PROM1: variants seen among roughly 807,000 people sequenced by gnomAD.
PROM1 encodes prominin-1.
PROM1 carries 105 observed loss-of-function variants against 116.9 expected under a neutral mutation model. The observed-to-expected ratio is 0.90, with a 90% CI of 0.77 to 1.06. PROM1 has a LOEUF of 1.06. Ranked by LOEUF, PROM1 falls within the 50% of genes least tolerant of loss-of-function variation. The pLI is 0.00. For missense variants in PROM1, 1,122 were observed against 1,045.2 expected (o/e 1.07, Z -1.01); for synonymous variants, 393 against 387.0 (o/e 1.02, Z -0.18).
intron 2 of PROM1, among the ~76,000 whole-genome samples, chr4:16,072,946 T>C (rs986549819): frequency 6.6e-6 from 1 of 152,174 alleles, no homozygotes; most frequent in African/African-American, 2.4e-5. Flanking sequence ...CTATTCCCTA[T>C]GATTTCATCT....
Position 15,998,463 on chromosome 4 carries a change from T to C in PROM1, c.1604A>G (p.Asn535Ser), listed in dbSNP as rs1427426189. The C allele has an allele frequency of 1.1e-5, 17 of 1,608,534 alleles. No individual in the cohort carries two copies. Among genetic ancestry groups the C allele is most frequent in the Non-Finnish European group, 1.3e-5 (15 of 1,178,496 alleles). Residue 535 changes from asparagine (N) to serine (S), a missense_variant, in exon 15 of 28, where the codon AAT (asparagine) becomes AGT (serine). Transcript: ENST00000447510. ...AGAGAGATAGTATTCCCAGTCTTCA[T>C]TTAGTAAGTAGGGTGTATCCAAAAC... ...FRVLDTPYLLNEDWEYYLSGK... is the reference protein window; with the variant it reads ...FRVLDTPYLLSEDWEYYLSGK...
In PROM1 at chr4:16,045,837, G is replaced by T. The variant is rs893382761; in HGVS notation, c.221-6836C>A. Among the ~76,000 whole-genome samples, 5 of 152,084 alleles carry T rather than the reference G, an allele frequency of 3.3e-5. No individual in the cohort carries two copies. The East Asian group carries it at 5.8e-4, about 18-fold the overall frequency. ...TCATGACCAAATACAGTGGAGCATT[G>T]CTCAGATGAATCACTCTTCCCGCCT... On this transcript the variant is annotated intron_variant, in intron 2 of 27. Coordinates refer to ENST00000447510, the MANE Select transcript of PROM1 (RefSeq NM_006017.3).
In PROM1 at chr4:16,000,517, G is replaced by T. The variant is rs137853907; in HGVS notation, c.1557C>A (p.Tyr519Ter). The T allele has an allele frequency of 7.0e-5, 111 of 1,593,858 alleles. No individual in the cohort carries two copies. Among genetic ancestry groups the T allele is most frequent in the Non-Finnish European group, 9.2e-5 (107 of 1,162,620 alleles). ...TTACCCGGAATAATTCCTTGCTCGTGTAAGGTTCACAGATCAGTTTTTCCA... is the reference window on the plus strand; with the variant it reads ...TTACCCGGAATAATTCCTTGCTCGTTTAAGGTTCACAGATCAGTTTTTCCA... ...ANVEKLICEP[Y>*]TSKELFRVLD... The change falls in exon 14 of 28, where the codon TAC (tyrosine) becomes TAA (stop). Residue 519 changes from tyrosine to a stop codon, truncating the protein, a stop_gained. Transcript: ENST00000447510. LOFTEE classifies it high-confidence loss of function.
intron 8 of PROM1, among the ~76,000 whole-genome samples, chr4:16,022,598 G>T (rs1240751407): frequency 6.6e-6 from 1 of 151,938 alleles, no homozygotes; most frequent in African/African-American, 2.4e-5. Flanking sequence ...TCTCAGGGAT[G>T]CTAGCTCATG....
intron 2 of PROM1, among the ~76,000 whole-genome samples, chr4:16,056,943 C>G (rs916530898): frequency 3.3e-5 from 5 of 152,198 alleles, no homozygotes; most frequent in Admixed American, 6.5e-5. Context: ...CACTCTCACA[C>G]GAGAGCATGC....
At chr4:16,083,597 G>C (rs1745455284) in intron 1 of PROM1, 1 of 152,560 alleles carries the variant, frequency 6.6e-6, no homozygotes, top group Non-Finnish European at 1.5e-5. Context: ...AGTGGAAGGA[G>C]TGCGCTCAGC....
chr4:16,016,864 T>TA (rs1728525852), intron 9 of PROM1, among the ~76,000 whole-genome samples: 1 of 152,150 alleles, frequency 6.6e-6, no homozygotes. Context: ...AAGGCATACT[T>TA]AGAAACTGTT....
chr4:16,020,997 C>T (rs1479592015), intron 8 of PROM1, among the ~76,000 whole-genome samples: 1 of 151,288 alleles, frequency 6.6e-6, no homozygotes, highest in Non-Finnish European at 1.5e-5. Flanking sequence ...CTTTATAGGT[C>T]CTGATCTGCA....
intron 2 of PROM1, among the ~76,000 whole-genome samples, chr4:16,068,197 T>G (rs371622347): frequency 6.6e-6 from 1 of 152,278 alleles, no homozygotes; most frequent in East Asian, 1.9e-4. Context: ...CTCCCTGTTT[T>G]TGGTTACCTT....
chr4:15,989,900 T>G, intron 18 of PROM1, 76 bp from the exon 19 acceptor site: 283 of 1,071,210 alleles, frequency 2.6e-4, no homozygotes, highest in Non-Finnish European at 3.5e-4. Context: ...TCAGGGGCCC[T>G]GTGTAGCCAG....
chr4:16,026,110 A>G (rs764663658), intron 5 of PROM1, among the ~76,000 whole-genome samples: 77 of 152,210 alleles, frequency 5.1e-4, no homozygotes, highest in Non-Finnish European at 6.8e-4. Context: ...AATATACTTC[A>G]AAAAAAGCTG....
At chr4:15,989,645 A>ATG (rs774758302) in intron 19 of PROM1, 87 bp downstream of exon 19, 35 of 1,093,650 alleles carry the variant, frequency 3.2e-5, no homozygotes, top group Non-Finnish European at 4.5e-5. Flanking sequence ...AGAGATGAGC[A>ATG]TGTGTCGTGA....
chr4:16,058,873 G>T (rs961425614), intron 2 of PROM1, among the ~76,000 whole-genome samples: 2 of 152,012 alleles, frequency 1.3e-5, no homozygotes, highest in African/African-American at 4.8e-5. Context: ...CAGTTAAAAG[G>T]CACATTAGGA....
intron 23 of PROM1, among the ~76,000 whole-genome samples, chr4:15,983,301 G>C (rs1395686682): frequency 1.3e-5 from 2 of 152,190 alleles, no homozygotes; most frequent in Non-Finnish European, 2.9e-5. Context: ...TGTTCCAACA[G>C]CGTGAAGGGC....
chr4:16,009,045 A>C lies in PROM1; in HGVS notation c.1205T>G (p.Ile402Ser), dbSNP rs1331222099. 6 of 1,607,962 alleles carry C rather than the reference A, an allele frequency of 3.7e-6. No individual in the cohort carries two copies. The South Asian group carries it at 6.6e-5, about 18-fold the overall frequency. ...AGAGAATGCTGAGAGTATATCCTGA[A>C]TAGGAAGACGCTGAGTTACATTGTC... ...DIDNVTQRLP[I>S]QDILSAFSVY... The change falls in exon 12 of 28, where the codon ATT (isoleucine) becomes AGT (serine). Residue 402 changes from isoleucine (I) to serine (S), a missense_variant. Ile to Ser is a moderately radical substitution (Grantham distance 142). Transcript: ENST00000447510.
At chr4:16,007,280 G>A (rs114659694) in intron 12 of PROM1, among the ~76,000 whole-genome samples, 113 of 152,306 alleles carry the variant, frequency 7.4e-4, no homozygotes, top group African/African-American at 2.4e-3. Context: ...TCAAATGCCT[G>A]CAGAATGCAA....
rs770248840 is a variant in PROM1, at chr4:16,024,344, T to C, written c.645A>G (p.Ile215Met). The change falls in exon 7 of 28, where the codon ATA becomes ATG. Residue 215 changes from isoleucine to methionine, a missense_variant. Ile to Met is a conservative substitution (Grantham distance 10). Coordinates refer to ENST00000447510, the MANE Select transcript of PROM1 (RefSeq NM_006017.3). ...LNETPEQIKY[I>M]LAQYNTTKDK... is the part of the protein sequence containing the mutation. ...CCTTGGTAGTGTTGTACTGGGCCAA[T>C]ATATATTTGATTTGCTGAAAAAAGA... is the stretch of plus-strand genomic sequence containing the variant. The C allele has an allele frequency of 6.2e-6, 10 of 1,612,038 alleles. No individual in the cohort carries two copies. In the East Asian group the frequency reaches 1.8e-4, roughly 29 times the overall value.
chr4:16,047,684 T>C (rs1433328500), intron 2 of PROM1, among the ~76,000 whole-genome samples: 1 of 152,228 alleles, frequency 6.6e-6, no homozygotes, highest in African/African-American at 2.4e-5. Context: ...TACTATAGCC[T>C]GGCCTAACTC....
chr4:16,024,066 G>C (rs1730592726), intron 7 of PROM1, among the ~76,000 whole-genome samples: 2 of 152,184 alleles, frequency 1.3e-5, no homozygotes, highest in African/African-American at 4.8e-5. Flanking sequence ...AAGCTTTCCA[G>C]TAAGTGTAAA....
Sources: gnomAD v4.1 joint callset for allele counts (sites outside exome capture counted in the v4.1 genomes callset) on GRCh38, gnomAD v4.1.1 for gene constraint, MANE v1.5 for transcripts, NCBI Gene and HGNC (gene_info 2026-07-23, HGNC 2026-07-21) for gene names.